ZFHX3: variants seen among roughly 807,000 people sequenced by gnomAD.
ZFHX3 encodes the protein zinc finger homeobox protein 3.
ZFHX3 carries 42 observed loss-of-function variants against 279.1 expected under a neutral mutation model. The ratio of observed to expected loss-of-function variants is 0.15; its 90% CI spans 0.12 to 0.19. The LOEUF is 0.19. Among genes scored for constraint, ZFHX3 ranks in the 10% least tolerant of loss-of-function variants. The pLI is 1.00. For synonymous variants in ZFHX3, 2,293 were observed against 1,957.8 expected (o/e 1.17, Z -4.52); for missense variants, 4,981 against 4,754.0 (o/e 1.05, Z -1.40).
chr16:73,831,727 G>A (rs796582376), intron 1 of ZFHX3, among the ~76,000 whole-genome samples: 3 of 152,244 alleles, frequency 2.0e-5, no homozygotes, highest in African/African-American at 7.2e-5. Context: ...TGCATCCACA[G>A]GAGACTGGGA....
At chr16:72,870,598 G>A (rs530100480) in intron 4 of ZFHX3, among the ~76,000 whole-genome samples, 76 of 150,546 alleles carry the variant, frequency 5.0e-4, no homozygotes, top group South Asian at 1.1e-3. Flanking sequence ...GGCGCCCTTA[G>A]TCCCAGCTAC....
intron 1 of ZFHX3, among the ~76,000 whole-genome samples, chr16:73,695,904 A>C (rs2053193660): frequency 6.6e-6 from 1 of 152,172 alleles, no homozygotes; most frequent in South Asian, 2.1e-4. Context: ...GGGCCCAAAG[A>C]ACAAAGCAGA....
At chr16:73,503,199 C>T (rs1051150331) in intron 2 of ZFHX3, among the ~76,000 whole-genome samples, 3 of 152,174 alleles carry the variant, frequency 2.0e-5, no homozygotes, top group African/African-American at 7.2e-5. Flanking sequence ...TGGTGATGAG[C>T]TAGAGGCACT....
intron 2 of ZFHX3, among the ~76,000 whole-genome samples, chr16:73,647,001 C>G (rs61576219): frequency 0.021 from 3,050 of 145,654 alleles, 106 homozygotes; most frequent in African/African-American, 0.072. Flanking sequence ...TGGCAGTACT[C>G]GTTGTGCCAA....
At chr16:72,971,799 C>T (rs150901327) in intron 1 of ZFHX3, among the ~76,000 whole-genome samples, 48 of 151,802 alleles carry the variant, frequency 3.2e-4, no homozygotes, top group African/African-American at 1.1e-3. Context: ...CATTTTAACT[C>T]ACATTCTTTA....
intron 3 of ZFHX3, among the ~76,000 whole-genome samples, chr16:72,923,147 T>C (rs1157830791): frequency 6.6e-6 from 1 of 152,206 alleles, no homozygotes; most frequent in Non-Finnish European, 1.5e-5. Flanking sequence ...GAATAGAAGA[T>C]ATGAACATAG....
intron 4 of ZFHX3, among the ~76,000 whole-genome samples, chr16:72,888,837 G>A (rs1318473759): frequency 6.6e-6 from 1 of 152,194 alleles, no homozygotes; most frequent in African/African-American, 2.4e-5. Context: ...ATAGAGGTGA[G>A]CAGTTCACAG....
At chr16:73,176,386 A>G (rs1967664584) in intron 5 of ZFHX3, among the ~76,000 whole-genome samples, 2 of 152,180 alleles carry the variant, frequency 1.3e-5, no homozygotes. Flanking sequence ...TAGGAAGTCA[A>G]GTGCAGGTGA....
chr16:73,673,654 C>A (rs2142187501), intron 2 of ZFHX3, among the ~76,000 whole-genome samples: 1 of 152,172 alleles, frequency 6.6e-6, no homozygotes, highest in South Asian at 2.1e-4. Context: ...GAAACACCAA[C>A]CTTAGAAAAA....
intron 5 of ZFHX3, among the ~76,000 whole-genome samples, chr16:73,223,778 A>T (rs936483199): frequency 2.0e-5 from 3 of 152,210 alleles, no homozygotes; most frequent in Admixed American, 1.3e-4. Context: ...TCTATTCATA[A>T]TTGCCGAAAC....
chr16:73,016,395 AAAC>A (rs1964105283), intron 1 of ZFHX3, among the ~76,000 whole-genome samples: 1 of 152,166 alleles, frequency 6.6e-6, no homozygotes, highest in South Asian at 2.1e-4. Flanking sequence ...TTTAAAAAAA[AAAC>A]AAAACATAAC....
intron 1 of ZFHX3, among the ~76,000 whole-genome samples, chr16:73,038,733 T>A (rs1965003175): frequency 6.6e-6 from 1 of 151,988 alleles, no homozygotes; most frequent in Non-Finnish European, 1.5e-5. Flanking sequence ...TGTTACCACC[T>A]CAAGTGCTAG....
At chr16:73,506,860 G>A (rs1252667299) in intron 2 of ZFHX3, among the ~76,000 whole-genome samples, 1 of 152,170 alleles carries the variant, frequency 6.6e-6, no homozygotes, top group Non-Finnish European at 1.5e-5. Flanking sequence ...CATACTGCTT[G>A]AGAGAGCCCT....
Position 72,795,400 on chromosome 16 carries a change from C to T in ZFHX3, c.7282G>A (p.Glu2428Lys). ...TFNSKTEAGD[E>K]KPKLAEAPSA... ...GGAGCTTCCGCCAGCTTTGGTTTCT[C>T]ATCGCCTGCCTCTGTTTTTGAATTG... The change falls in exon 9 of 10, where the codon GAG (glutamate) becomes AAG (lysine). Residue 2428 changes from glutamate (E) to lysine (K), a missense_variant. Physicochemically the swap from Glu to Lys is moderately conservative, Grantham distance 56 (BLOSUM62 1). Around this residue, in one of 7 missense-constraint regions of ZFHX3, gnomAD observed 744 missense variants for 701.3 expected, o/e 1.06. Coordinates refer to ENST00000268489, the MANE Select transcript of ZFHX3 (RefSeq NM_006885.4). 6.2e-7 allele frequency: 1 copy of T among 1,614,132 alleles called. No individual in the cohort carries two copies. The highest frequency in any genetic ancestry group is 8.5e-7 in the Non-Finnish European group (1 of 1,180,034).
chr16:73,025,536 G>A (rs946039820), intron 1 of ZFHX3, among the ~76,000 whole-genome samples: 1 of 152,178 alleles, frequency 6.6e-6, no homozygotes, highest in African/African-American at 2.4e-5. Flanking sequence ...GTCCTCTAAT[G>A]CCTACACTTC....
chr16:73,657,374 C>T (rs1473041642), intron 2 of ZFHX3, among the ~76,000 whole-genome samples: 1 of 152,186 alleles, frequency 6.6e-6, no homozygotes, highest in African/African-American at 2.4e-5. Flanking sequence ...GGGAGAATCA[C>T]CTAAATCCGG....
intron 1 of ZFHX3, among the ~76,000 whole-genome samples, chr16:73,024,214 A>C (rs1276917206): frequency 1.3e-5 from 2 of 152,174 alleles, no homozygotes; most frequent in Non-Finnish European, 2.9e-5. Context: ...TGTTTTGGCA[A>C]AGAAACGAAG....
intron 1 of ZFHX3, among the ~76,000 whole-genome samples, chr16:73,844,877 G>C (rs1039936185): frequency 6.6e-6 from 1 of 151,972 alleles, no homozygotes; most frequent in African/African-American, 2.4e-5. Context: ...TAGGTAGGTA[G>C]GCGGATGGTA....
chr16:73,288,191 G>A (rs1461482344), intron 4 of ZFHX3, among the ~76,000 whole-genome samples: 1 of 150,700 alleles, frequency 6.6e-6, no homozygotes, highest in East Asian at 2.0e-4. Context: ...GGGAGGGAGA[G>A]AAGGGGGACT....
Sources: gnomAD v4.1 joint callset for allele counts (sites outside exome capture counted in the v4.1 genomes callset) on GRCh38, gnomAD v4.1.1 for gene constraint, gnomAD v4.1.1 regional missense constraint, MANE v1.5 for transcripts, NCBI Gene and HGNC (gene_info 2026-07-23, HGNC 2026-07-21) for gene names.